PIEZO1: variants seen among roughly 807,000 people sequenced by gnomAD.
PIEZO1 encodes piezo type mechanosensitive ion channel component 1 (Er blood group).
PIEZO1 carries 296 observed loss-of-function variants against 297.2 expected under a neutral mutation model. The ratio of observed to expected loss-of-function variants is 1.00; its 90% CI spans 0.91 to 1.10. PIEZO1 has a LOEUF of 1.10. Ranked by LOEUF, PIEZO1 falls within the 50% of genes least tolerant of loss-of-function variation. The pLI, the probability that PIEZO1 is intolerant of heterozygous loss-of-function variation, is 0.00. For missense variants in PIEZO1, 5,018 were observed against 3,455.5 expected (o/e 1.45, Z -11.34); for synonymous variants, 2,427 against 1,507.5 (o/e 1.61, Z -14.13).
intron 44 of PIEZO1, chr16:88,717,929 A>G (rs1395890201): frequency 1.1e-5 from 4 of 380,446 alleles, no homozygotes; most frequent in Non-Finnish European, 1.5e-5. Flanking sequence ...CAAAAATACA[A>G]AAGACTAGCC....
At chr16:88,749,239 C>CAAA (rs112962992) in intron 2 of PIEZO1, 145 bp downstream of exon 2, 25 of 455,434 alleles carry the variant, frequency 5.5e-5, no homozygotes, top group South Asian at 9.2e-5. Context: ...GACTCCGTCT[C>CAAA]AAAAAAAAAA....
rs1064797060 is a variant in PIEZO1, at chr16:88,726,749, T to C, written c.3665A>G (p.Asn1222Ser). The C allele has an allele frequency of 8.4e-6, 13 of 1,549,436 alleles. No individual in the cohort carries two copies. Among genetic ancestry groups the C allele is most frequent in the African/African-American group, 1.4e-5 (1 of 72,800 alleles). Residue 1222 changes from asparagine to serine, a missense_variant, in exon 25 of 51, where the codon AAC (asparagine) becomes AGC (serine). By Grantham distance (46) the Asn-to-Ser change is conservative (BLOSUM62 1). Transcript: ENST00000301015. ...GTTCTTGGAGATGATGACGGTGACG[T>C]TGTACAGAATGAGGCAGTCCCACAG... Reference protein sequence around the residue: ...LVLWDCLILYNVTVIISKNML... With the variant: ...LVLWDCLILYSVTVIISKNML...
chr16:88,721,502 C>A, intron 38 of PIEZO1, 36 bp downstream of exon 38: 1 of 1,539,906 alleles, frequency 6.5e-7, no homozygotes, highest in Non-Finnish European at 8.8e-7. Flanking sequence ...AGAGGGCCTG[C>A]CCAGCCCCGC....
At chr16:88,743,045 C>G (rs560852683) in intron 2 of PIEZO1, 2 of 456,360 alleles carry the variant, frequency 4.4e-6, no homozygotes, top group Non-Finnish European at 8.8e-6. Context: ...GGCCCCAGAC[C>G]GGCATCCTCT....
chr16:88,784,900 C>T lies in PIEZO1; in HGVS notation c.64+1G>A, dbSNP rs1337060212. The T allele has an allele frequency of 6.9e-7, 1 of 1,439,466 alleles. No homozygotes were observed. The allele number at this position is 1,439,466 out of a possible 1,614,324, so 89.2% of individuals were successfully genotyped here. A position where few individuals can be genotyped will look rare whatever the true frequency, so the allele number is the denominator to read the frequency against. ...CCCCCAGGCGCCCGCCCCCCACTCA[C>T]CAGCCAGCAGCGCGCAGGGCAGCAG... is the stretch of plus-strand genomic sequence containing the variant. On this transcript the variant is annotated splice_donor_variant, in intron 1 of 50. Transcript: ENST00000301015. LOFTEE classifies it high-confidence loss of function.
rs1224310055 is a variant in PIEZO1, at chr16:88,734,511, G to A, written c.2025C>T (p.Phe675=). 2 of 1,546,592 alleles carry A rather than the reference G, an allele frequency of 1.3e-6. No homozygotes were observed. Among genetic ancestry groups the A allele is most frequent in the African/African-American group, 1.4e-5 (1 of 73,026 alleles). ...TGCTGGAGAAGAGCTCGGACACGCT[G>A]AACTGCTCCAGGCCCAGGTCCCCCA... ...EQLGDLGLEQ[F]SVSELFSSIL... is the part of the protein sequence containing the mutation. Residue 675 remains phenylalanine (F), a synonymous_variant, in exon 16 of 51, where the codon TTC becomes TTT. Coordinates refer to ENST00000301015, the MANE Select transcript of PIEZO1 (RefSeq NM_001142864.4).
intron 27 of PIEZO1, chr16:88,725,935 G>T (rs1904392967): frequency 1.8e-6 from 1 of 569,706 alleles, no homozygotes. Flanking sequence ...AGGGAAGAAG[G>T]CAAAGCTGGC....
intron 1 of PIEZO1, among the ~76,000 whole-genome samples, chr16:88,784,570 C>A (rs1908090022): frequency 1.3e-5 from 2 of 151,990 alleles, no homozygotes; most frequent in Admixed American, 1.3e-4. Context: ...GGGGCAAACA[C>A]CGCCTCGCCC....
chr16:88,716,936 G>C (rs772858668), intron 45 of PIEZO1, 38 bp from the exon 46 acceptor site: 21 of 1,544,952 alleles, frequency 1.4e-5, no homozygotes, highest in East Asian at 4.9e-5. Context: ...ACGAAGATGA[G>C]CGTGGAGGAG....
intron 39 of PIEZO1, 30 bp from the exon 40 acceptor site, chr16:88,720,778 C>T (rs375514788): frequency 1.0e-5 from 15 of 1,455,898 alleles, no homozygotes; most frequent in African/African-American, 5.7e-5. Context: ...TCTGCCTGGG[C>T]CCCCTGGGGA....
At chr16:88,779,538 C>G (rs1907830690) in intron 1 of PIEZO1, among the ~76,000 whole-genome samples, 2 of 152,250 alleles carry the variant, frequency 1.3e-5, no homozygotes, top group African/African-American at 4.8e-5. Context: ...CTCCACTGGC[C>G]CTGAACCAGA....
chr16:88,733,842 C>T, intron 17 of PIEZO1, 64 bp downstream of exon 17: 1 of 1,459,500 alleles, frequency 6.9e-7, no homozygotes, highest in Non-Finnish European at 9.1e-7. Context: ...TCTGCCAACG[C>T]CCCCCGAGCT....
Position 88,720,394 on chromosome 16 carries a change from C to T in PIEZO1, c.5940G>A (p.Trp1980Ter). Residue 1980 changes from tryptophan to a stop codon, truncating the protein, a stop_gained, in exon 41 of 51, where the codon TGG becomes TGA. Coordinates refer to ENST00000301015, the MANE Select transcript of PIEZO1 (RefSeq NM_001142864.4). LOFTEE classifies it high-confidence loss of function. ...CCCGGGCCTGGCTCACCCCAAAGGC[C>T]CAGAAGCCAAAAATGATGATGATGA... is the stretch of plus-strand genomic sequence containing the variant. The part of the protein sequence containing the change: ...VDFIIIIFGF[W>*]AFGKHSAATD... The T allele has an allele frequency of 3.2e-6, 5 of 1,550,334 alleles. No individual in the cohort carries two copies. The highest frequency in any genetic ancestry group is 4.4e-6 in the Non-Finnish European group (5 of 1,146,942).
At chr16:88,764,084 G>A (rs1046237787) in intron 1 of PIEZO1, among the ~76,000 whole-genome samples, 2 of 152,152 alleles carry the variant, frequency 1.3e-5, no homozygotes, top group African/African-American at 4.8e-5. Flanking sequence ...GGCTTCCCCG[G>A]GGGGCACCAG....
chr16:88,737,112 G>A (rs769811287), intron 10 of PIEZO1: 6 of 236,238 alleles, frequency 2.5e-5, no homozygotes, highest in South Asian at 7.0e-5. Flanking sequence ...AAGAAAGAAA[G>A]TAGCCAGAAA....
chr16:88,720,791 G>C (rs1912384828), intron 39 of PIEZO1, 43 bp from the exon 40 acceptor site: 2 of 1,452,004 alleles, frequency 1.4e-6, no homozygotes, highest in South Asian at 1.5e-5. Context: ...CCTGGGGACT[G>C]GGCCTGGCTC....
chr16:88,746,996 C>T (rs774273894), intron 2 of PIEZO1, among the ~76,000 whole-genome samples: 22 of 152,194 alleles, frequency 1.4e-4, no homozygotes, highest in Non-Finnish European at 3.1e-4. Flanking sequence ...CGGGCCCCAG[C>T]GACTCCCAGC....
chr16:88,721,090 TGAGA>T (rs1361893055), intron 39 of PIEZO1, 72 bp downstream of exon 39: 1 of 1,381,924 alleles, frequency 7.2e-7, no homozygotes, highest in Non-Finnish European at 9.6e-7. Context: ...CCGTCTCATC[TGAGA>T]AAGACCCTCC....
Position 88,733,744 on chromosome 16 carries a change from C to T in PIEZO1, c.2331G>A (p.Gly777=), listed in dbSNP as rs1255503438. ...TPHQATQVPE[G]AAKWGLVAER... ...CAGCCACCAGGCCCCACTTGGCTGCCCCTGTGATGGTGTGAGGGTCAGTGC... is the reference window on the plus strand; with the variant it reads ...CAGCCACCAGGCCCCACTTGGCTGCTCCTGTGATGGTGTGAGGGTCAGTGC... The change falls in exon 18 of 51, where the codon GGG becomes GGA. Residue 777 remains glycine (G), a splice_region_variant and synonymous_variant. Coordinates refer to ENST00000301015, the MANE Select transcript of PIEZO1 (RefSeq NM_001142864.4). 2 of 1,542,368 alleles carry T rather than the reference C, an allele frequency of 1.3e-6. No homozygotes were observed. Among genetic ancestry groups the T allele is most frequent in the Non-Finnish European group, 8.8e-7 (1 of 1,142,626 alleles).
Sources: gnomAD v4.1 joint callset for allele counts (sites outside exome capture counted in the v4.1 genomes callset) on GRCh38, gnomAD v4.1.1 for gene constraint, MANE v1.5 for transcripts, NCBI Gene and HGNC (gene_info 2026-07-23, HGNC 2026-07-21) for gene names.